COG7: variants seen among roughly 807,000 people sequenced by gnomAD.
COG7 encodes component of oligomeric golgi complex 7.
A neutral mutation model predicts 91.5 loss-of-function variants in COG7; 49 were observed. That is an observed-to-expected ratio of 0.54 (90% CI 0.43 to 0.68). The LOEUF is 0.68. COG7 is among the 30% of genes least tolerant of loss of function. The pLI is 0.00. For synonymous variants in COG7, 365 were observed against 388.7 expected, an observed-to-expected ratio of 0.94 and a Z score of 0.72; for missense variants, 895 against 961.3, an observed-to-expected ratio of 0.93 and a Z score of 0.91.
In COG7 at chr16:23,392,478, C is replaced by A; in HGVS notation, c.2048G>T (p.Gly683Val). 6.2e-7 allele frequency: 1 copy of A among 1,614,154 alleles called. No individual in the cohort carries two copies. The highest frequency in any genetic ancestry group is 1.1e-5 in the South Asian group (1 of 91,088). ...ELDNMADNWL[G>V]SIARATMQTY... ...CTGCATTGTGGCTCTGGCGATCGAG[C>A]CCAGCCAGTTGTCAGCCATGTTGTC... The change falls in exon 16 of 17, where the codon GGC becomes GTC. Residue 683 changes from glycine to valine, a missense_variant. Transcript: ENST00000307149.
At chr16:23,430,686 C>T (rs1457365535) in intron 6 of COG7, among the ~76,000 whole-genome samples, 24 of 151,704 alleles carry the variant, frequency 1.6e-4, no homozygotes, top group Non-Finnish European at 4.4e-5. Context: ...GGATTACAGG[C>T]GCCTGCCACC....
intron 16 of COG7, chr16:23,391,899 C>T (rs373394712): frequency 1.4e-6 from 1 of 697,564 alleles, no homozygotes; most frequent in South Asian, 3.8e-5. Context: ...GCCACATGGC[C>T]TTGTTATGGA....
At chr16:23,444,511 CTTTT>C (rs11437438) in intron 3 of COG7, among the ~76,000 whole-genome samples, 3 of 132,650 alleles carry the variant, frequency 2.3e-5, no homozygotes, top group Admixed American at 7.8e-5. Flanking sequence ...TTTTCTTCTT[CTTTT>C]TTTTTTTTTT....
intron 14 of COG7, among the ~76,000 whole-genome samples, chr16:23,395,852 T>G (rs1479209719): frequency 6.6e-6 from 1 of 152,238 alleles, no homozygotes; most frequent in African/African-American, 2.4e-5. Flanking sequence ...CAGACAGACT[T>G]GGGTTGGAGT....
chr16:23,403,837 A>G lies in COG7; in HGVS notation c.1663-3T>C, dbSNP rs1260816697. ...TTGTGGTTGCTTGACCCTTTTTCCT[A>G]AGACAAGAAAATGCAAAAGGCAGTT... On this transcript the variant is annotated splice_region_variant and splice_polypyrimidine_tract_variant and intron_variant, in intron 12 of 16. Transcript: ENST00000307149. The G allele has an allele frequency of 1.2e-6, 2 of 1,614,184 alleles. No homozygotes were observed. Among genetic ancestry groups the G allele is most frequent in the South Asian group, 1.1e-5 (1 of 91,082 alleles).
intron 16 of COG7, 149 bp from the exon 17 acceptor site, chr16:23,389,235 C>T (rs1346300299): frequency 1.2e-6 from 1 of 847,992 alleles, no homozygotes; most frequent in Non-Finnish European, 1.8e-6. Context: ...TCAATAGGCC[C>T]TTTACTCACC....
At position 23,445,144 on chromosome 16, in the gene COG7, T is replaced by C. The variant is rs1964161281; in HGVS notation, c.339A>G (p.Gln113=). The change falls in exon 3 of 17, where the codon CAA becomes CAG. Residue 113 remains glutamine (Q), a synonymous_variant. Transcript: ENST00000307149. ...QSMQVLVEID[Q]VKSRMQLAAE... ...CAGCAAGTTGCATTCTGGACTTCAC[T>C]TGGTCAATTTCTACCAACACCTGAA... 1 of 1,614,036 alleles carries C rather than the reference T, an allele frequency of 6.2e-7. No homozygotes were observed. The highest frequency in any genetic ancestry group is 1.3e-5 in the African/African-American group (1 of 75,038).
chr16:23,451,907 C>CT (rs532224753), intron 1 of COG7, among the ~76,000 whole-genome samples: 9 of 151,420 alleles, frequency 5.9e-5, no homozygotes, highest in South Asian at 2.1e-4. Context: ...TCAAAATTCA[C>CT]TTTTTTTTTC....
intron 10 of COG7, among the ~76,000 whole-genome samples, chr16:23,411,529 C>T (rs1356973170): frequency 1.3e-5 from 2 of 152,066 alleles, no homozygotes; most frequent in Non-Finnish European, 2.9e-5. Flanking sequence ...TTTTAAGTTC[C>T]GGGATACATG....
intron 14 of COG7, among the ~76,000 whole-genome samples, chr16:23,397,110 T>C (rs939766132): frequency 6.6e-6 from 1 of 152,106 alleles, no homozygotes; most frequent in Non-Finnish European, 1.5e-5. Flanking sequence ...GGTCCCCCTA[T>C]GTTGCCCAGA....
chr16:23,418,852 C>A (rs375684381), intron 7 of COG7, 25 bp from the exon 8 acceptor site: 1 of 1,608,686 alleles, frequency 6.2e-7, no homozygotes, highest in Non-Finnish European at 8.5e-7. Flanking sequence ...AAATGTAAAA[C>A]GATAATGAAC....
chr16:23,420,487 T>C (rs1187575995), intron 7 of COG7, among the ~76,000 whole-genome samples: 1 of 152,158 alleles, frequency 6.6e-6, no homozygotes, highest in Non-Finnish European at 1.5e-5. Flanking sequence ...CTCCCAGCCT[T>C]CTCTCAGTTC....
At chr16:23,441,085 G>A (rs927252218) in intron 4 of COG7, among the ~76,000 whole-genome samples, 1 of 152,134 alleles carries the variant, frequency 6.6e-6, no homozygotes, top group African/African-American at 2.4e-5. Context: ...AATTTTTAAG[G>A]AAGGTGATTT....
At chr16:23,409,071 GTGTGTGTGTGTGTGTGTGCGTGCA>G (rs1375577291) in intron 11 of COG7, among the ~76,000 whole-genome samples, 8 of 131,582 alleles carry the variant, frequency 6.1e-5, no homozygotes, top group Non-Finnish European at 9.5e-5. Context: ...ATGCGTGTGT[GTGTGTGTGTGTGTGTGTGCGTGCA>G]TGTGTGTGTG....
chr16:23,418,982 C>G (rs1963705021), intron 7 of COG7, among the ~76,000 whole-genome samples, 155 bp from the exon 8 acceptor site: 1 of 152,254 alleles, frequency 6.6e-6, no homozygotes, highest in African/African-American at 2.4e-5. Context: ...TTCATGGAAG[C>G]TTCTCCTACA....
rs540798211 is a variant in COG7, at chr16:23,417,779, A to AAAAAAT, written c.1138-664_1138-659dup. 6.6e-5 allele frequency among the ~76,000 whole-genome samples: 10 copies of AAAAAAT among 152,254 alleles called. No individual in the cohort carries two copies. The East Asian group carries it at 1.9e-3, about 29-fold the overall frequency. On this transcript the variant is annotated intron_variant, in intron 8 of 16. Coordinates refer to ENST00000307149, the MANE Select transcript of COG7 (RefSeq NM_153603.4). Reference sequence around the variant, plus strand: ...TGTATGACAGAGCAAGACCCTCTCAAAAAAATAAAAATAAAAAATAAGGCA... The same window carrying AAAAAAT: ...TGTATGACAGAGCAAGACCCTCTCAAAAAAATAAAAATAAAAATAAAAAATAAGGCA...
At chr16:23,434,960 G>C (rs754788834) in intron 4 of COG7, among the ~76,000 whole-genome samples, 9 of 152,174 alleles carry the variant, frequency 5.9e-5, no homozygotes, top group Non-Finnish European at 1.2e-4. Context: ...ATACTGAGAG[G>C]TTATTTATGT....
intron 7 of COG7, among the ~76,000 whole-genome samples, chr16:23,424,197 T>G (rs1357196364): frequency 6.7e-6 from 1 of 149,140 alleles, no homozygotes; most frequent in Non-Finnish European, 1.5e-5. Flanking sequence ...CTTGGGAGGC[T>G]GAGGCAGGAG....
chr16:23,392,237 G>A, intron 16 of COG7, 143 bp downstream of exon 16: 1 of 1,523,648 alleles, frequency 6.6e-7, no homozygotes, highest in Non-Finnish European at 8.8e-7. Context: ...TGGAGAACCT[G>A]AATTTTCAAC....
Sources: gnomAD v4.1 joint callset for allele counts (sites outside exome capture counted in the v4.1 genomes callset) on GRCh38, gnomAD v4.1.1 for gene constraint, MANE v1.5 for transcripts, NCBI Gene and HGNC (gene_info 2026-07-23, HGNC 2026-07-21) for gene names.